HEATR3: variants seen among roughly 807,000 people sequenced by gnomAD.
HEATR3 encodes the protein HEAT repeat containing 3, also known as HEAT repeat-containing protein 3.
HEATR3 carries 56 observed loss-of-function variants against 72.8 expected under a neutral mutation model. The ratio of observed to expected loss-of-function variants is 0.77; its 90% CI spans 0.62 to 0.96. The LOEUF (loss-of-function observed/expected upper bound fraction) is 0.96, where lower values mean the gene tolerates loss of function less well. Ranked by LOEUF, HEATR3 falls within the 40% of genes least tolerant of loss-of-function variation. The probability of loss-of-function intolerance (pLI) is 0.00; values close to 1 mark genes in which losing one functional copy is unlikely to be tolerated. For missense variants in HEATR3, 747 were observed against 831.4 expected (o/e 0.90, Z 1.25); for synonymous variants, 331 against 318.1 (o/e 1.04, Z -0.43).
chr16:50,084,077 A>G (rs1445615056), intron 8 of HEATR3, 50 bp downstream of exon 8: 2 of 1,612,808 alleles, frequency 1.2e-6, no homozygotes, highest in African/African-American at 1.3e-5. Context: ...CAAGAGGGAA[A>G]CTCCCGTGGA....
chr16:50,097,092 TAATA>T (rs1252208047), intron 12 of HEATR3, among the ~76,000 whole-genome samples: 4 of 152,112 alleles, frequency 2.6e-5, no homozygotes, highest in African/African-American at 9.6e-5. Context: ...TTTGTATTTA[TAATA>T]AATAATCTAG....
intron 12 of HEATR3, among the ~76,000 whole-genome samples, chr16:50,098,884 T>C (rs2150626839): frequency 6.6e-6 from 1 of 152,256 alleles, no homozygotes; most frequent in East Asian, 1.9e-4. Flanking sequence ...CTACGGAATG[T>C]ACTTAATAGT....
chr16:50,079,321 C>G (rs1048692912), intron 7 of HEATR3, among the ~76,000 whole-genome samples: 5 of 152,282 alleles, frequency 3.3e-5, no homozygotes, highest in Non-Finnish European at 5.9e-5. Flanking sequence ...TTGCTTCTCC[C>G]CACTTCTGTT....
At chr16:50,104,916 G>T in intron 14 of HEATR3, 23 bp from the exon 15 acceptor site, 1 of 1,564,070 alleles carries the variant, frequency 6.4e-7, no homozygotes, top group South Asian at 1.2e-5. Context: ...AGTCATATAT[G>T]ATTTTTTGTT....
intron 11 of HEATR3, among the ~76,000 whole-genome samples, chr16:50,086,631 G>T (rs2036993968): frequency 6.6e-6 from 1 of 152,252 alleles, no homozygotes; most frequent in African/African-American, 2.4e-5. Context: ...CCTCATTAAG[G>T]TATTTGGATA....
At chr16:50,069,776 T>C (rs1337600657) in intron 3 of HEATR3, among the ~76,000 whole-genome samples, 5 of 152,210 alleles carry the variant, frequency 3.3e-5, no homozygotes, top group African/African-American at 4.8e-5. Flanking sequence ...CACCACATGC[T>C]AATCTAACAC....
At position 50,066,450 on chromosome 16, in the gene HEATR3, C is replaced by T; in HGVS notation, c.222C>T (p.Gly74=). 1 of 1,390,092 alleles carries T rather than the reference C, an allele frequency of 7.2e-7. No individual in the cohort carries two copies. Among genetic ancestry groups the T allele is most frequent in the Non-Finnish European group, 9.3e-7 (1 of 1,080,364 alleles). 86.1% of individuals were successfully genotyped at this position (1,390,092 alleles called of 1,614,324 possible). Residue 74 remains glycine, a synonymous_variant, in exon 2 of 15, where the codon GGC becomes GGT. Transcript: ENST00000299192. ...TGCAGCAGCGGCCGGCACTCCCGGG[C>T]CTGGCGCGACGAGACGCCGTGCGCC... is the stretch of plus-strand genomic sequence containing the variant. ...RLVQQRPALP[G]LARRDAVRRL...
At chr16:50,080,835 C>G (rs562861054) in intron 7 of HEATR3, among the ~76,000 whole-genome samples, 6 of 152,282 alleles carry the variant, frequency 3.9e-5, no homozygotes, top group East Asian at 3.9e-4. Flanking sequence ...TCATTTTCAG[C>G]TGTGGGCACC....
In HEATR3 at chr16:50,078,969, C is replaced by T; in HGVS notation, c.992C>T (p.Ser331Phe). The T allele has an allele frequency of 6.2e-7, 1 of 1,613,806 alleles. No homozygotes were observed. The highest frequency in any genetic ancestry group is 1.1e-5 in the South Asian group (1 of 91,004). Residue 331 changes from serine (S) to phenylalanine (F), a missense_variant, in exon 7 of 15, where the codon TCT becomes TTT. Coordinates refer to ENST00000299192, the MANE Select transcript of HEATR3 (RefSeq NM_182922.4). The stretch of plus-strand genomic sequence containing the variant: ...GAAGATGATGAAATGGAAGGAATTT[C>T]TCATAAAAGAAGAGTCAGAAGGAAA... ...LIEDDEMEGI[S>F]HKRRVRRKTF...
At position 50,078,948 on chromosome 16, in the gene HEATR3, A is replaced by T. The variant is rs753114752; in HGVS notation, c.971A>T (p.Asp324Val). Residue 324 changes from aspartate to valine, a missense_variant, in exon 7 of 15, where the codon GAT becomes GTT. By Grantham distance (152) the Asp-to-Val change is radical (BLOSUM62 -3). Coordinates refer to ENST00000299192, the MANE Select transcript of HEATR3 (RefSeq NM_182922.4). ...ACTAATGGGGATGATTTGATTGAAG[A>T]TGATGAAATGGAAGGAATTTCTCAT... Reference protein sequence around the residue: ...ENTNGDDLIEDDEMEGISHKR... With the variant: ...ENTNGDDLIEVDEMEGISHKR... 1.3e-5 allele frequency: 21 copies of T among 1,613,876 alleles called. 1 individual carries two copies. The South Asian group carries it at 1.8e-4, about 14-fold the overall frequency.
At chr16:50,076,900 G>T (rs779090460) in intron 6 of HEATR3, among the ~76,000 whole-genome samples, 1 of 127,390 alleles carries the variant, frequency 7.8e-6, no homozygotes, top group African/African-American at 3.1e-5. Flanking sequence ...ACTGAGTCTC[G>T]CTCTGCCGCC....
chr16:50,079,025 C>T lies in HEATR3; in HGVS notation c.1041+7C>T. The T allele has an allele frequency of 2.5e-6, 4 of 1,606,644 alleles. No individual in the cohort carries two copies. Among genetic ancestry groups the T allele is most frequent in the Non-Finnish European group, 3.4e-6 (4 of 1,177,270 alleles). ...CGTTTCAGATTTACTTCCGGTAAGT[C>T]AGGTTGCTGTTCTCAAATATGGATT... On this transcript the variant is annotated splice_region_variant and intron_variant, in intron 7 of 14. Transcript: ENST00000299192.
At position 50,086,277 on chromosome 16, in the gene HEATR3, T is replaced by C. The variant is rs1413513094; in HGVS notation, c.1436T>C (p.Val479Ala). The C allele has an allele frequency of 1.3e-6, 2 of 1,585,506 alleles. No homozygotes were observed. The highest frequency in any genetic ancestry group is 2.7e-5 in the African/African-American group (2 of 74,530). Residue 479 changes from valine to alanine, a missense_variant, in exon 11 of 15, where the codon GTG becomes GCG. Coordinates refer to ENST00000299192, the MANE Select transcript of HEATR3 (RefSeq NM_182922.4). Reference sequence around the variant, plus strand: ...CAGAGTCTTGTGTCCCTCCTGGATGTGGAGCACCTGGGAGGAGCCGCAGCC... The same window carrying C: ...CAGAGTCTTGTGTCCCTCCTGGATGCGGAGCACCTGGGAGGAGCCGCAGCC... ...CLQSLVSLLD[V>A]EHLGGAAALQ...
chr16:50,083,603 A>G (rs988751840), intron 7 of HEATR3, among the ~76,000 whole-genome samples: 2 of 152,160 alleles, frequency 1.3e-5, no homozygotes, highest in Non-Finnish European at 2.9e-5. Flanking sequence ...ATGCCCAGCT[A>G]CTTCTTGACA....
At chr16:50,090,221 G>A (rs911017457) in intron 11 of HEATR3, among the ~76,000 whole-genome samples, 1 of 152,064 alleles carries the variant, frequency 6.6e-6, no homozygotes, top group Non-Finnish European at 1.5e-5. Context: ...GCCAGGAGTG[G>A]TATCTTGCTT....
chr16:50,096,193 C>T (rs992081921), intron 12 of HEATR3, among the ~76,000 whole-genome samples: 7 of 151,732 alleles, frequency 4.6e-5, no homozygotes, highest in East Asian at 3.9e-4. Context: ...GGCATGGTGG[C>T]GCACTCCTAT....
chr16:50,078,509 G>A (rs1251213510), intron 6 of HEATR3, among the ~76,000 whole-genome samples: 1 of 152,126 alleles, frequency 6.6e-6, no homozygotes, highest in Non-Finnish European at 1.5e-5. Context: ...ATAATGCAGT[G>A]TATCAGAGAA....
chr16:50,094,002 A>C lies in HEATR3; in HGVS notation c.1511-703A>C, dbSNP rs193059901. On this transcript the variant is annotated intron_variant, in intron 11 of 14. Coordinates refer to ENST00000299192, the MANE Select transcript of HEATR3 (RefSeq NM_182922.4). ...TTCTTGAAGATCACACAGGACTTGA[A>C]ATATTGCCATGGCCATTTTTAGAAA... Among the ~76,000 whole-genome samples the C allele has an allele frequency of 3.8e-3, 576 of 152,264 alleles. 3 individuals are homozygous for C. The highest frequency in any genetic ancestry group is 0.013 in the African/African-American group (550 of 41,540).
chr16:50,091,907 G>A (rs1597166064), intron 11 of HEATR3, among the ~76,000 whole-genome samples: 1 of 151,570 alleles, frequency 6.6e-6, no homozygotes, highest in East Asian at 1.9e-4. Flanking sequence ...GTTCAAAGTT[G>A]TTGAGAGTAA....
Sources: gnomAD v4.1 joint callset for allele counts (sites outside exome capture counted in the v4.1 genomes callset) on GRCh38, gnomAD v4.1.1 for gene constraint, MANE v1.5 for transcripts, NCBI Gene and HGNC (gene_info 2026-07-23, HGNC 2026-07-21) for gene names.